Variants in ATRNL1 observed in about 807,000 individuals in gnomAD.
ATRNL1 encodes attractin-like protein 1.
ATRNL1 carries 95 observed loss-of-function variants against 182.7 expected under a neutral mutation model. That is an observed-to-expected ratio of 0.52 (90% confidence interval 0.44 to 0.62). The LOEUF (loss-of-function observed/expected upper bound fraction) is 0.62. Ranked by LOEUF, ATRNL1 falls within the 20% of genes least tolerant of loss-of-function variation. The pLI is 0.00. For synonymous variants in ATRNL1, 576 were observed against 568.3 expected (o/e 1.01, Z -0.19); for missense variants, 1,471 against 1,679.5 (o/e 0.88, Z 2.17).
chr10:115,642,362 G>T (rs1358390811), intron 26 of ATRNL1, among the ~76,000 whole-genome samples: 10 of 151,664 alleles, frequency 6.6e-5, no homozygotes, highest in Admixed American at 5.3e-4. Flanking sequence ...GACATTTTTT[G>T]AATTAGAAGA....
rs146962802 is a variant in ATRNL1 at position 115,288,195 on chromosome 10, T to C, written c.2415+1798T>C. On this transcript the variant is annotated intron_variant, in intron 15 of 28. Coordinates refer to ENST00000355044, the MANE Select transcript of ATRNL1 (RefSeq NM_207303.4). The stretch of plus-strand genomic sequence containing the variant: ...AATAGTGCTGCAATAAACATGAGAA[T>C]GCAGGTATCCCATTGATATACTGAT... Among the ~76,000 whole-genome samples, 1,048 of 152,308 alleles carry C rather than the reference T, an allele frequency of 6.9e-3. 13 individuals carry two copies. Among genetic ancestry groups the C allele is most frequent in the African/African-American group, 0.024 (1,002 of 41,568 alleles).
In ATRNL1 at chr10:115,382,658, T is replaced by G. The variant is rs74376665; in HGVS notation, c.3176-12001T>G. ...GAGTCGTAATAGCTTCACTTCTTCCTTTCCAGTCTGGATACTTTTAATTCT... is the reference window on the plus strand; with the variant it reads ...GAGTCGTAATAGCTTCACTTCTTCCGTTCCAGTCTGGATACTTTTAATTCT... On this transcript the variant is annotated intron_variant, in intron 19 of 28. Coordinates refer to ENST00000355044, the MANE Select transcript of ATRNL1 (RefSeq NM_207303.4). Among the ~76,000 whole-genome samples the G allele has an allele frequency of 9.2e-3, 1,398 of 151,800 alleles. 10 individuals are homozygous for G. Among genetic ancestry groups the G allele is most frequent in the Admixed American group, 0.015 (224 of 15,236 alleles).
At chr10:115,253,361 G>T (rs1850963636) in intron 10 of ATRNL1, among the ~76,000 whole-genome samples, 1 of 152,156 alleles carries the variant, frequency 6.6e-6, no homozygotes, top group Non-Finnish European at 1.5e-5. Context: ...ATTCTAGGAA[G>T]GGTGTGCCCT....
At chr10:115,829,735 C>T (rs1950517636) in intron 27 of ATRNL1, among the ~76,000 whole-genome samples, 1 of 152,008 alleles carries the variant, frequency 6.6e-6, no homozygotes, top group South Asian at 2.1e-4. Context: ...GTTTTGGAGA[C>T]TCCCCAAGAG....
At chr10:115,117,005 A>G (rs539309710) in intron 1 of ATRNL1, among the ~76,000 whole-genome samples, 23 of 152,032 alleles carry the variant, frequency 1.5e-4, no homozygotes, top group Non-Finnish European at 2.5e-4. Flanking sequence ...TAAGAGGGAG[A>G]TAAGGATTAC....
chr10:115,865,254 A>G (rs1383070770), intron 28 of ATRNL1, among the ~76,000 whole-genome samples: 1 of 152,162 alleles, frequency 6.6e-6, no homozygotes, highest in African/African-American at 2.4e-5. Flanking sequence ...TCCAGTGTTA[A>G]TCATTGTACT....
intron 26 of ATRNL1, among the ~76,000 whole-genome samples, chr10:115,713,675 TTCTA>T (rs56673702): frequency 1.9e-4 from 22 of 114,302 alleles, no homozygotes; most frequent in East Asian, 1.6e-3. Context: ...AGGTTCTGTT[TTCTA>T]TCTATCTATC....
intron 13 of ATRNL1, among the ~76,000 whole-genome samples, chr10:115,280,834 A>C (rs181357199): frequency 2.0e-5 from 3 of 152,350 alleles, no homozygotes; most frequent in Non-Finnish European, 4.4e-5. Context: ...CAGAGTTTAT[A>C]AAAGCAGTAA....
At chr10:115,298,204 A>G (rs1853301123) in intron 15 of ATRNL1, among the ~76,000 whole-genome samples, 1 of 152,208 alleles carries the variant, frequency 6.6e-6, no homozygotes. Flanking sequence ...ATAAAGATTG[A>G]CAAATTCATG....
chr10:115,308,532 T>G (rs1853851051), intron 17 of ATRNL1, among the ~76,000 whole-genome samples: 1 of 152,152 alleles, frequency 6.6e-6, no homozygotes, highest in South Asian at 2.1e-4. Context: ...TAAAATTTGA[T>G]GACAATTTCT....
At chr10:115,575,855 C>T (rs1565179618) in intron 26 of ATRNL1, among the ~76,000 whole-genome samples, 1 of 151,904 alleles carries the variant, frequency 6.6e-6, no homozygotes. Flanking sequence ...ATTAGTCATC[C>T]TACCTAACTT....
chr10:115,884,509 T>G (rs1024599397), intron 28 of ATRNL1, among the ~76,000 whole-genome samples: 3 of 152,204 alleles, frequency 2.0e-5, no homozygotes, highest in Non-Finnish European at 4.4e-5. Context: ...AATATCTAAT[T>G]ATCATTGAGA....
intron 20 of ATRNL1, among the ~76,000 whole-genome samples, chr10:115,422,252 G>C (rs1253338736): frequency 6.6e-6 from 1 of 152,166 alleles, no homozygotes; most frequent in East Asian, 1.9e-4. Flanking sequence ...AGAGTAAACA[G>C]ACACCTTACA....
At chr10:115,283,065 A>G (rs1433575923) in intron 14 of ATRNL1, among the ~76,000 whole-genome samples, 1 of 152,096 alleles carries the variant, frequency 6.6e-6, no homozygotes, top group African/African-American at 2.4e-5. Flanking sequence ...TTTGTCTGAA[A>G]GAGAATCTTT....
At chr10:115,869,847 A>G (rs1349089346) in intron 28 of ATRNL1, among the ~76,000 whole-genome samples, 2 of 151,994 alleles carry the variant, frequency 1.3e-5, no homozygotes, top group African/African-American at 4.8e-5. Flanking sequence ...GTATTTCTCC[A>G]TGTCATTAAA....
At chr10:115,458,456 T>C (rs2134515689) in intron 21 of ATRNL1, among the ~76,000 whole-genome samples, 1 of 152,282 alleles carries the variant, frequency 6.6e-6, no homozygotes, top group Non-Finnish European at 1.5e-5. Flanking sequence ...AATTTTGTTC[T>C]AGATCTCAGC....
intron 26 of ATRNL1, among the ~76,000 whole-genome samples, chr10:115,704,500 G>A (rs1946837473): frequency 6.6e-6 from 1 of 151,842 alleles, no homozygotes; most frequent in Non-Finnish European, 1.5e-5. Flanking sequence ...TTCAACCCAT[G>A]TAATTGTTAT....
intron 17 of ATRNL1, among the ~76,000 whole-genome samples, chr10:115,302,281 T>A (rs1387453357): frequency 1.3e-5 from 2 of 152,194 alleles, no homozygotes; most frequent in Non-Finnish European, 2.9e-5. Flanking sequence ...ACAGCCTCTT[T>A]TCCCTGAACT....
intron 28 of ATRNL1, among the ~76,000 whole-genome samples, chr10:115,936,880 AT>A (rs2134609292): frequency 6.6e-6 from 1 of 152,316 alleles, no homozygotes; most frequent in African/African-American, 2.4e-5. Flanking sequence ...AGGAATTTCC[AT>A]TTGAGTTCCA....
Sources: allele counts gnomAD v4.1 joint callset (sites outside exome capture counted in the v4.1 genomes callset), GRCh38; gene constraint gnomAD v4.1.1; transcripts MANE v1.5; gene names NCBI Gene and HGNC (gene_info 2026-07-23, HGNC 2026-07-21).